The following TSHZ2 variants were observed in gnomAD, a reference collection of about 807,000 sequenced individuals.
TSHZ2 encodes the protein teashirt homolog 2.
TSHZ2 carries 21 observed loss-of-function variants against 74.4 expected under a neutral mutation model. The ratio of observed to expected loss-of-function variants is 0.28; its 90% CI spans 0.20 to 0.41. The LOEUF (loss-of-function observed/expected upper bound fraction) is 0.41. Ranked by LOEUF, TSHZ2 falls within the 10% of genes least tolerant of loss-of-function variation. The pLI, the probability that TSHZ2 is intolerant of heterozygous loss-of-function variation, is 1.00. For missense variants in TSHZ2, 1,244 were observed against 1,293.5 expected (o/e 0.96, Z 0.59); for synonymous variants, 540 against 515.3 (o/e 1.05, Z -0.65).
chr20:53,479,713 C>T (rs188760208), intron 2 of TSHZ2, among the ~76,000 whole-genome samples: 12 of 152,240 alleles, frequency 7.9e-5, no homozygotes, highest in Non-Finnish European at 1.5e-4. Context: ...GAACCAAAGA[C>T]AATTTTGTCC....
At chr20:53,484,460 A>G (rs1286239763) in intron 2 of TSHZ2, among the ~76,000 whole-genome samples, 2 of 146,748 alleles carry the variant, frequency 1.4e-5, no homozygotes, top group East Asian at 2.0e-4. Flanking sequence ...ATCTTGGCTC[A>G]CTACAACCTC....
At chr20:53,316,783 G>A (rs1362221324) in intron 2 of TSHZ2, among the ~76,000 whole-genome samples, 4 of 152,138 alleles carry the variant, frequency 2.6e-5, no homozygotes, top group Admixed American at 1.3e-4. Context: ...TCACCCACAA[G>A]GCTGACACTA....
chr20:52,998,925 A>G (rs189352306), intron 1 of TSHZ2, among the ~76,000 whole-genome samples: 1 of 152,354 alleles, frequency 6.6e-6, no homozygotes, highest in African/African-American at 2.4e-5. Context: ...ATTCCAGGTG[A>G]TGAGAAAATC....
rs561643853 is a variant in TSHZ2, at chr20:53,104,737, C to T, written c.40+131404C>T. On this transcript the variant is annotated intron_variant, in intron 1 of 2. Coordinates refer to ENST00000371497, the MANE Select transcript of TSHZ2 (RefSeq NM_173485.6). ...AGAAAACCAAGAATGAAGGAATGCCCGCCTGGCAGTGATCAATCACCCCCT... is the reference window on the plus strand; with the variant it reads ...AGAAAACCAAGAATGAAGGAATGCCTGCCTGGCAGTGATCAATCACCCCCT... Among the ~76,000 whole-genome samples, 56 of 152,222 alleles carry T rather than the reference C, an allele frequency of 3.7e-4. No individual in the cohort carries two copies. In the South Asian group the frequency reaches 8.3e-3, roughly 23 times the overall value.
intron 2 of TSHZ2, among the ~76,000 whole-genome samples, chr20:53,394,448 C>T (rs1202533007): frequency 6.6e-6 from 1 of 152,206 alleles, no homozygotes; most frequent in Non-Finnish European, 1.5e-5. Flanking sequence ...TTACAACTCT[C>T]CTTGCAAAAA....
intron 2 of TSHZ2, among the ~76,000 whole-genome samples, chr20:53,388,798 G>C (rs1047857347): frequency 6.6e-6 from 1 of 151,870 alleles, no homozygotes; most frequent in Non-Finnish European, 1.5e-5. Flanking sequence ...AGCCAGGCTG[G>C]TCTCAAACTC....
chr20:53,021,367 G>A (rs913112738), intron 1 of TSHZ2, among the ~76,000 whole-genome samples: 1 of 152,100 alleles, frequency 6.6e-6, no homozygotes, highest in Non-Finnish European at 1.5e-5. Context: ...AACCACGTGC[G>A]CTGTGTTTAG....
At chr20:53,153,321 G>T (rs1987719004) in intron 1 of TSHZ2, among the ~76,000 whole-genome samples, 1 of 152,172 alleles carries the variant, frequency 6.6e-6, no homozygotes, top group African/African-American at 2.4e-5. Flanking sequence ...GGCCTAGAGA[G>T]TGCTAGGCAA....
rs566255833 is a variant in TSHZ2, at chr20:53,124,847, G to A, written c.41-128652G>A. On this transcript the variant is annotated intron_variant, in intron 1 of 2. Transcript: ENST00000371497. ...CACAGCCAGGGAGTGGGCATAACAC[G>A]TGATTGTTAGGAGGTTAGCAAACTT... 5.3e-5 allele frequency among the ~76,000 whole-genome samples: 8 copies of A among 152,168 alleles called. No homozygotes were observed. The South Asian group carries it at 1.2e-3, about 24-fold the overall frequency.
At chr20:53,439,624 GC>G (rs1157570702) in intron 2 of TSHZ2, among the ~76,000 whole-genome samples, 1 of 152,166 alleles carries the variant, frequency 6.6e-6, no homozygotes, top group Non-Finnish European at 1.5e-5. Context: ...GAATAGCCTA[GC>G]TTTTTTTTTC....
At chr20:53,325,825 G>T (rs193193129) in intron 2 of TSHZ2, among the ~76,000 whole-genome samples, 1 of 151,884 alleles carries the variant, frequency 6.6e-6, no homozygotes, top group South Asian at 2.1e-4. Context: ...ACTGTCTCCC[G>T]GGCTGGAGTG....
At chr20:53,360,756 A>G (rs1382787097) in intron 2 of TSHZ2, among the ~76,000 whole-genome samples, 2 of 152,238 alleles carry the variant, frequency 1.3e-5, no homozygotes, top group Non-Finnish European at 2.9e-5. Context: ...TATACAAGGT[A>G]CAGAGCTTGT....
intron 2 of TSHZ2, among the ~76,000 whole-genome samples, chr20:53,262,466 A>G (rs894232528): frequency 6.6e-6 from 1 of 152,246 alleles, no homozygotes; most frequent in African/African-American, 2.4e-5. Context: ...AATTACTGTC[A>G]TAGACTGCAC....
chr20:53,188,431 C>T (rs739862), intron 1 of TSHZ2, among the ~76,000 whole-genome samples: 5,643 of 152,252 alleles, frequency 0.037, 368 homozygotes, highest in African/African-American at 0.13. Flanking sequence ...GCTAAGCAAC[C>T]TTGTTTCCTG....
rs960149347 is a variant in TSHZ2, at chr20:53,347,422, C to A, written c.*8+90851C>A. 3.3e-5 allele frequency among the ~76,000 whole-genome samples: 5 copies of A among 152,090 alleles called. No homozygotes were observed. In the East Asian group the frequency reaches 5.8e-4, roughly 18 times the overall value. On this transcript the variant is annotated intron_variant, in intron 2 of 2. Transcript: ENST00000371497. ...CCCCACATGTCTGCATTGCTCAACA[C>A]CCCCTACTTCCTCTGCCCAGTGTCA...
chr20:53,173,273 A>C (rs1440521668), intron 1 of TSHZ2, among the ~76,000 whole-genome samples: 4 of 152,230 alleles, frequency 2.6e-5, no homozygotes, highest in Admixed American at 6.5e-5. Context: ...AATAAACTAT[A>C]TCCTATCCAC....
chr20:53,231,729 C>T (rs959991267), intron 1 of TSHZ2, among the ~76,000 whole-genome samples: 1 of 152,154 alleles, frequency 6.6e-6, no homozygotes, highest in Non-Finnish European at 1.5e-5. Flanking sequence ...AGCATCTTTC[C>T]TCAACCTCTA....
At chr20:53,000,628 A>G (rs1481488617) in intron 1 of TSHZ2, among the ~76,000 whole-genome samples, 1 of 152,252 alleles carries the variant, frequency 6.6e-6, no homozygotes, top group African/African-American at 2.4e-5. Context: ...TGCAAGTTAT[A>G]GAAATGGGAT....
chr20:53,323,893 A>G (rs1568868147), intron 2 of TSHZ2, among the ~76,000 whole-genome samples: 2 of 151,980 alleles, frequency 1.3e-5, no homozygotes, highest in African/African-American at 2.4e-5. Flanking sequence ...GGAGGGCTTT[A>G]TTACATCCTC....
Sources: gnomAD v4.1 joint callset for allele counts (sites outside exome capture counted in the v4.1 genomes callset) on GRCh38, gnomAD v4.1.1 for gene constraint, MANE v1.5 for transcripts, NCBI Gene and HGNC (gene_info 2026-07-23, HGNC 2026-07-21) for gene names.